SOS2: variants seen among roughly 807,000 people sequenced by gnomAD.
SOS2 encodes SOS Ras/Rho guanine nucleotide exchange factor 2, also known as son of sevenless homolog 2.
SOS2 carries 65 observed loss-of-function variants against 148.2 expected under a neutral mutation model. The observed-to-expected ratio is 0.44, with a 90% confidence interval of 0.36 to 0.54. The LOEUF (loss-of-function observed/expected upper bound fraction) is 0.54, where lower values mean the gene tolerates loss of function less well. Among genes scored for constraint, SOS2 ranks in the 20% least tolerant of loss-of-function variants. The pLI is 0.00. For synonymous variants in SOS2, 539 were observed against 537.1 expected (o/e 1.00, Z -0.05); for missense variants, 1,341 against 1,590.2 (o/e 0.84, Z 2.67).
chr14:50,208,454 C>T (rs1595024958), intron 1 of SOS2, among the ~76,000 whole-genome samples: 1 of 151,874 alleles, frequency 6.6e-6, no homozygotes, highest in Non-Finnish European at 1.5e-5. Flanking sequence ...TTTGAGACCA[C>T]CCTGGCCAAT....
intron 1 of SOS2, among the ~76,000 whole-genome samples, chr14:50,210,232 A>G (rs897951747): frequency 6.6e-6 from 1 of 152,216 alleles, no homozygotes; most frequent in Admixed American, 6.5e-5. Flanking sequence ...GTCCACAAAC[A>G]AGTCCACATA....
intron 12 of SOS2, among the ~76,000 whole-genome samples, chr14:50,155,014 A>T (rs1884770583): frequency 6.6e-6 from 1 of 152,172 alleles, no homozygotes. Flanking sequence ...ACTGTTAATG[A>T]CATACAAGTT....
chr14:50,155,641 CT>C (rs1336505552), intron 12 of SOS2, among the ~76,000 whole-genome samples: 2 of 152,088 alleles, frequency 1.3e-5, no homozygotes, highest in Non-Finnish European at 2.9e-5. Flanking sequence ...TTTCATGTGT[CT>C]TTTTCCCCCA....
chr14:50,124,173 A>G (rs1883613609), intron 21 of SOS2, among the ~76,000 whole-genome samples: 1 of 152,192 alleles, frequency 6.6e-6, no homozygotes, highest in Non-Finnish European at 1.5e-5. Context: ...CTAGATATAA[A>G]CTTGGGAATT....
Position 50,145,521 on chromosome 14 carries a change from T to A in SOS2, c.2460A>T (p.Leu820Phe). The A allele has an allele frequency of 1.9e-6, 3 of 1,608,630 alleles. No individual in the cohort carries two copies. Among genetic ancestry groups the A allele is most frequent in the Non-Finnish European group, 2.6e-6 (3 of 1,176,140 alleles). ...GATTTGTGGTATGGCGAATCATTTTTAATAAATTTGGAGAATTTATTTCTT... is the reference window on the plus strand; with the variant it reads ...GATTTGTGGTATGGCGAATCATTTTAAATAAATTTGGAGAATTTATTTCTT... ...EDKEINSPNL[L>F]KMIRHTTNLT... is the part of the protein sequence containing the mutation. The change falls in exon 15 of 23, where the codon TTA (leucine) becomes TTT (phenylalanine). Residue 820 changes from leucine to phenylalanine, a missense_variant. Leu to Phe is a conservative substitution (Grantham distance 22, BLOSUM62 0). This residue lies in a region of SOS2 where 408 missense variants were observed against 506.6 expected (regional missense o/e 0.81). Transcript: ENST00000216373.
chr14:50,184,622 T>C (rs1299306194), intron 5 of SOS2, among the ~76,000 whole-genome samples: 1 of 151,946 alleles, frequency 6.6e-6, no homozygotes, highest in Non-Finnish European at 1.5e-5. Context: ...ATCAGAGGGT[T>C]GCAACTTTCA....
chr14:50,129,907 C>T, intron 21 of SOS2, 54 bp downstream of exon 21: 3 of 1,040,218 alleles, frequency 2.9e-6, no homozygotes, highest in Non-Finnish European at 4.3e-6. Context: ...TATAATCAAC[C>T]AGATTATTAT....
chr14:50,164,824 C>T (rs1885120424), intron 8 of SOS2, among the ~76,000 whole-genome samples: 1 of 152,182 alleles, frequency 6.6e-6, no homozygotes, highest in Non-Finnish European at 1.5e-5. Flanking sequence ...ATGCCTTTTC[C>T]CTCTTAAATT....
intron 21 of SOS2, among the ~76,000 whole-genome samples, chr14:50,127,845 A>C (rs1883732930): frequency 6.6e-6 from 1 of 152,210 alleles, no homozygotes; most frequent in African/African-American, 2.4e-5. Context: ...TGAGTAAGTA[A>C]ATGAATGGTA....
chr14:50,223,874 T>C (rs964310973), intron 1 of SOS2, among the ~76,000 whole-genome samples: 2 of 151,918 alleles, frequency 1.3e-5, no homozygotes, highest in African/African-American at 4.8e-5. Flanking sequence ...TGAACATTCA[T>C]GTTTAAGAAA....
In SOS2 at chr14:50,216,707, C is replaced by G. The variant is rs144269734; in HGVS notation, c.88-12298G>C. Reference sequence around the variant, plus strand: ...CTGAGATCGTGCTGCTGCACTCCAGCCTGGGTGACAGAGTGAGACTCAATA... The same window carrying G: ...CTGAGATCGTGCTGCTGCACTCCAGGCTGGGTGACAGAGTGAGACTCAATA... On this transcript the variant is annotated intron_variant, in intron 1 of 22. Coordinates refer to ENST00000216373, the MANE Select transcript of SOS2 (RefSeq NM_006939.4). 8.5e-3 allele frequency among the ~76,000 whole-genome samples: 1,289 copies of G among 152,092 alleles called. 20 individuals carry two copies. Among genetic ancestry groups the G allele is most frequent in the African/African-American group, 0.03 (1,239 of 41,498 alleles).
At chr14:50,198,058 G>A (rs1274750963) in intron 4 of SOS2, among the ~76,000 whole-genome samples, 1 of 149,520 alleles carries the variant, frequency 6.7e-6, no homozygotes. Flanking sequence ...GACTGAAGAC[G>A]ATAAAAATAC....
intron 8 of SOS2, among the ~76,000 whole-genome samples, chr14:50,162,340 C>T (rs1370837012): frequency 1.3e-5 from 2 of 151,748 alleles, no homozygotes; most frequent in African/African-American, 4.8e-5. Context: ...TAGGGTCTCA[C>T]TAGGCTGGTC....
chr14:50,202,908 C>A (rs1367086252), intron 2 of SOS2, among the ~76,000 whole-genome samples: 1 of 152,152 alleles, frequency 6.6e-6, no homozygotes, highest in Admixed American at 6.5e-5. Context: ...TGTATCCCAG[C>A]ACTTTGGAAG....
chr14:50,176,348 A>C (rs1186638658), intron 7 of SOS2, among the ~76,000 whole-genome samples: 4 of 152,256 alleles, frequency 2.6e-5, no homozygotes, highest in East Asian at 1.9e-4. Flanking sequence ...GAATAGACTA[A>C]GACAGTATTA....
chr14:50,130,155 T>C (rs564921752), intron 20 of SOS2, among the ~76,000 whole-genome samples, 153 bp from the exon 21 acceptor site: 2 of 152,374 alleles, frequency 1.3e-5, no homozygotes, highest in South Asian at 4.1e-4. Context: ...CAGAACCTTC[T>C]GTATCTAGAA....
At chr14:50,170,741 T>C (rs1201675604) in intron 8 of SOS2, among the ~76,000 whole-genome samples, 1 of 151,102 alleles carries the variant, frequency 6.6e-6, no homozygotes, top group Non-Finnish European at 1.5e-5. Flanking sequence ...TCAACATTAC[T>C]AGTCATTAGG....
At chr14:50,148,169 T>C (rs1884550758) in intron 14 of SOS2, among the ~76,000 whole-genome samples, 1 of 152,164 alleles carries the variant, frequency 6.6e-6, no homozygotes, top group Non-Finnish European at 1.5e-5. Flanking sequence ...CCCAGCACTT[T>C]GGGAGGCTGA....
At chr14:50,218,292 G>A (rs111756304) in intron 1 of SOS2, among the ~76,000 whole-genome samples, 5 of 150,430 alleles carry the variant, frequency 3.3e-5, no homozygotes, top group African/African-American at 1.2e-4. Context: ...GGAGGCCAAG[G>A]TGGGTGGATT....
Sources: gnomAD v4.1 joint callset for allele counts (sites outside exome capture counted in the v4.1 genomes callset) on GRCh38, gnomAD v4.1.1 for gene constraint, gnomAD v4.1.1 regional missense constraint, MANE v1.5 for transcripts, NCBI Gene and HGNC (gene_info 2026-07-23, HGNC 2026-07-21) for gene names.